ANKH: variants seen among roughly 807,000 people sequenced by gnomAD.
ANKH encodes mineralization regulator ANKH.
A neutral mutation model predicts 49.0 loss-of-function variants in ANKH; 15 were observed. The ratio of observed to expected loss-of-function variants is 0.31; its 90% CI spans 0.20 to 0.47. ANKH has a LOEUF of 0.47. ANKH is among the 20% of genes least tolerant of loss of function. The pLI is 1.00. For synonymous variants in ANKH, 273 were observed against 260.0 expected (o/e 1.05, Z -0.48); for missense variants, 429 against 652.0 (o/e 0.66, Z 3.72).
chr5:14,793,573 G>C (rs1386910941), intron 1 of ANKH, among the ~76,000 whole-genome samples: 1 of 152,164 alleles, frequency 6.6e-6, no homozygotes, highest in Non-Finnish European at 1.5e-5. Flanking sequence ...AGGGTGAAGA[G>C]GCAGAATAAA....
At chr5:14,840,701 T>C (rs1241865028) in intron 1 of ANKH, among the ~76,000 whole-genome samples, 6 of 152,236 alleles carry the variant, frequency 3.9e-5, no homozygotes, top group Admixed American at 3.9e-4. Flanking sequence ...TTTCAAATTA[T>C]CTGCTTCAAA....
intron 1 of ANKH, among the ~76,000 whole-genome samples, chr5:14,865,088 C>T (rs995388260): frequency 1.3e-5 from 2 of 152,096 alleles, no homozygotes; most frequent in South Asian, 2.1e-4. Flanking sequence ...TGGAGAAACC[C>T]TGTCACTACT....
intron 1 of ANKH, among the ~76,000 whole-genome samples, chr5:14,836,109 G>A (rs534482856): frequency 6.6e-6 from 1 of 152,166 alleles, no homozygotes; most frequent in Non-Finnish European, 1.5e-5. Flanking sequence ...GTATTGATGG[G>A]ACGTATCTCA....
intron 1 of ANKH, chr5:14,826,081 G>C (rs1741333024): frequency 6.5e-6 from 1 of 154,210 alleles, no homozygotes; most frequent in East Asian, 1.9e-4. Context: ...CTCTTTTCCA[G>C]ACTAACGCAA....
At chr5:14,822,240 T>C (rs377571558) in intron 1 of ANKH, among the ~76,000 whole-genome samples, 11 of 152,344 alleles carry the variant, frequency 7.2e-5, no homozygotes, top group South Asian at 2.1e-4. Flanking sequence ...ATCTCAATAA[T>C]AATTTTATTT....
intron 1 of ANKH, among the ~76,000 whole-genome samples, chr5:14,789,744 C>T (rs967111871): frequency 6.6e-6 from 1 of 152,186 alleles, no homozygotes; most frequent in Non-Finnish European, 1.5e-5. Flanking sequence ...CAGGATCTCA[C>T]TCTGTTGCCT....
chr5:14,777,213 G>T (rs1739654067), intron 1 of ANKH, among the ~76,000 whole-genome samples: 1 of 152,190 alleles, frequency 6.6e-6, no homozygotes, highest in African/African-American at 2.4e-5. Flanking sequence ...TTGAACACGG[G>T]AGGTGGAGGT....
intron 1 of ANKH, among the ~76,000 whole-genome samples, chr5:14,817,742 T>C (rs1741080689): frequency 1.3e-5 from 2 of 152,192 alleles, no homozygotes; most frequent in Non-Finnish European, 1.5e-5. Context: ...AGGCTTCACC[T>C]GGAGAGAGGT....
chr5:14,785,473 A>G (rs1332318726), intron 1 of ANKH, among the ~76,000 whole-genome samples: 1 of 152,196 alleles, frequency 6.6e-6, no homozygotes, highest in Non-Finnish European at 1.5e-5. Flanking sequence ...ACCTTCTGCC[A>G]TGATTGGAAG....
At chr5:14,833,514 C>T (rs928306501) in intron 1 of ANKH, among the ~76,000 whole-genome samples, 1 of 152,176 alleles carries the variant, frequency 6.6e-6, no homozygotes, top group East Asian at 1.9e-4. Flanking sequence ...CTCGCCTGCT[C>T]CTCCCCCAGT....
At position 14,706,845 on chromosome 5, in the gene ANKH, G is replaced by A. The variant is rs541083555; in HGVS notation, c.*4352C>T. On this transcript the variant is annotated 3_prime_UTR_variant, in exon 12 of 12. Transcript: ENST00000284268. The stretch of plus-strand genomic sequence containing the variant: ...GTTGCTCAAAAACATGCTTTCCTAC[G>A]GTTTGAGTGCTTTATATGAGAGCCA... The A allele has an allele frequency of 2.6e-5, 4 of 152,248 alleles. No homozygotes were observed. Among genetic ancestry groups the A allele is most frequent in the Admixed American group, 6.5e-5 (1 of 15,292 alleles). The allele number at this position is 152,248 out of a possible 1,614,324, so 9.4% of individuals were successfully genotyped here.
intron 1 of ANKH, among the ~76,000 whole-genome samples, chr5:14,843,364 T>C (rs1171629514): frequency 1.3e-5 from 2 of 151,614 alleles, no homozygotes; most frequent in African/African-American, 4.8e-5. Context: ...TTAGTAGAGA[T>C]GGCACTTCGC....
rs943330796 is a variant in ANKH, at chr5:14,708,400, T to C, written c.*2797A>G. 3 of 152,224 alleles carry C rather than the reference T, an allele frequency of 2.0e-5. No individual in the cohort carries two copies. The highest frequency in any genetic ancestry group is 4.8e-5 in the African/African-American group (2 of 41,456). The allele number at this position is 152,224 out of a possible 1,614,324, so 9.4% of individuals were successfully genotyped here. A position where few individuals can be genotyped will look rare whatever the true frequency, so the allele number is the denominator to read the frequency against. ...CTTTGACATGAGAATCTCACAGGCA[T>C]GGTAACTTTCTAAAATGCAGCTGTC... On this transcript the variant is annotated 3_prime_UTR_variant, in exon 12 of 12. Coordinates refer to ENST00000284268, the MANE Select transcript of ANKH (RefSeq NM_054027.6).
At chr5:14,789,935 C>T (rs1740108291) in intron 1 of ANKH, among the ~76,000 whole-genome samples, 1 of 152,164 alleles carries the variant, frequency 6.6e-6, no homozygotes, top group African/African-American at 2.4e-5. Flanking sequence ...GTCTCGAACT[C>T]CTGGGCTCAA....
intron 6 of ANKH, 146 bp downstream of exon 6, chr5:14,749,026 G>T: frequency 1.7e-6 from 2 of 1,193,920 alleles, no homozygotes; most frequent in Non-Finnish European, 2.4e-6. Context: ...CACCGAACGA[G>T]ATCTTTATGG....
intron 5 of ANKH, among the ~76,000 whole-genome samples, chr5:14,750,645 G>A (rs1252959780): frequency 6.6e-6 from 1 of 152,198 alleles, no homozygotes; most frequent in Non-Finnish European, 1.5e-5. Flanking sequence ...ATAAGGGACT[G>A]GGATTGGCCA....
intron 8 of ANKH, among the ~76,000 whole-genome samples, chr5:14,734,219 G>T (rs1217408149): frequency 6.6e-6 from 1 of 152,012 alleles, no homozygotes; most frequent in African/African-American, 2.4e-5. Flanking sequence ...CCGATTTCCT[G>T]CTCTGCCGTA....
At chr5:14,786,036 A>T (rs964851210) in intron 1 of ANKH, among the ~76,000 whole-genome samples, 5 of 127,654 alleles carry the variant, frequency 3.9e-5, no homozygotes, top group African/African-American at 1.6e-4. Flanking sequence ...AGAAAGTGAG[A>T]CTCTGTCTCA....
chr5:14,852,803 A>G (rs778805054), intron 1 of ANKH, among the ~76,000 whole-genome samples: 10 of 152,114 alleles, frequency 6.6e-5, no homozygotes, highest in Non-Finnish European at 1.5e-4. Flanking sequence ...TTACCTTACC[A>G]TCCCGGCCCA....
Sources: allele counts gnomAD v4.1 joint callset (sites outside exome capture counted in the v4.1 genomes callset), GRCh38; gene constraint gnomAD v4.1.1; transcripts MANE v1.5; gene names NCBI Gene and HGNC (gene_info 2026-07-23, HGNC 2026-07-21).